FGF12: variants seen among roughly 807,000 people sequenced by gnomAD.
FGF12 encodes fibroblast growth factor 12.
Under a neutral mutation model 23.6 loss-of-function variants are expected in FGF12, and 14 were observed. The ratio of observed to expected loss-of-function variants is 0.59; its 90% CI spans 0.39 to 0.93. The LOEUF (loss-of-function observed/expected upper bound fraction) is 0.93, where lower values mean the gene tolerates loss of function less well. Among genes scored for constraint, FGF12 ranks in the 40% least tolerant of loss-of-function variants. The pLI is 0.00. For synonymous variants in FGF12, 62 were observed against 77.3 expected (o/e 0.80, Z 1.04); for missense variants, 175 against 217.8 (o/e 0.80, Z 1.24).
intron 2 of FGF12, among the ~76,000 whole-genome samples, chr3:192,426,048 G>A (rs965263614): frequency 1.4e-4 from 21 of 152,158 alleles, no homozygotes; most frequent in African/African-American, 5.1e-4. Flanking sequence ...TTATTGAAAA[G>A]TTATCTGTTT....
chr3:192,152,537 G>C (rs1442151317), intron 5 of FGF12, among the ~76,000 whole-genome samples: 4 of 150,284 alleles, frequency 2.7e-5, no homozygotes, highest in Non-Finnish European at 4.4e-5. Flanking sequence ...TGGTTTCAAA[G>C]AACATCTTTA....
intron 5 of FGF12, among the ~76,000 whole-genome samples, chr3:192,155,271 C>G (rs926311920): frequency 2.6e-5 from 4 of 152,182 alleles, no homozygotes; most frequent in Non-Finnish European, 4.4e-5. Context: ...AATCACCGGT[C>G]TTCTGCATTG....
chr3:192,499,507 TATATATATA>T (rs1165787098), intron 2 of FGF12, among the ~76,000 whole-genome samples: 6 of 38,062 alleles, frequency 1.6e-4, no homozygotes, highest in African/African-American at 7.4e-4. Flanking sequence ...TATATATATA[TATATATATA>T]TTTTTTTTTT....
intron 4 of FGF12, among the ~76,000 whole-genome samples, chr3:192,183,189 AT>A (rs36009792): frequency 0.011 from 1,670 of 147,394 alleles, 32 homozygotes; most frequent in African/African-American, 0.037. Flanking sequence ...AGCATGTAAG[AT>A]TTTTTTTTTT....
At chr3:192,628,432 A>T (rs1301160758) in intron 2 of FGF12, among the ~76,000 whole-genome samples, 1 of 138,106 alleles carries the variant, frequency 7.2e-6, no homozygotes, top group Admixed American at 7.9e-5. Context: ...TTTCATTCCA[A>T]CCAAAGGAAT....
intron 4 of FGF12, among the ~76,000 whole-genome samples, chr3:192,193,417 T>A (rs1716904589): frequency 6.6e-6 from 1 of 152,162 alleles, no homozygotes; most frequent in African/African-American, 2.4e-5. Context: ...AGGGTGCTCA[T>A]TTTCTTCTAC....
At chr3:192,537,707 T>A (rs1357064284) in intron 2 of FGF12, among the ~76,000 whole-genome samples, 1 of 152,212 alleles carries the variant, frequency 6.6e-6, no homozygotes, top group African/African-American at 2.4e-5. Flanking sequence ...CCTTGTCAGA[T>A]GGATAGTTTG....
chr3:192,181,111 G>A (rs1238460921), intron 4 of FGF12, among the ~76,000 whole-genome samples: 3 of 152,066 alleles, frequency 2.0e-5, no homozygotes, highest in Admixed American at 2.0e-4. Context: ...ACTCTTCAAG[G>A]CCCAGCATAG....
At chr3:192,678,504 C>T (rs1006435036) in intron 2 of FGF12, among the ~76,000 whole-genome samples, 11 of 152,188 alleles carry the variant, frequency 7.2e-5, no homozygotes, top group Non-Finnish European at 2.9e-5. Flanking sequence ...TCGTTCATGT[C>T]CTTATGCTCT....
intron 2 of FGF12, among the ~76,000 whole-genome samples, chr3:192,682,482 C>A (rs1717568522): frequency 6.6e-6 from 1 of 152,168 alleles, no homozygotes; most frequent in African/African-American, 2.4e-5. Flanking sequence ...CCTCACCTGT[C>A]AAGTGAGAGG....
chr3:192,355,891 G>C (rs1718451729), intron 3 of FGF12, among the ~76,000 whole-genome samples: 1 of 151,980 alleles, frequency 6.6e-6, no homozygotes, highest in African/African-American at 2.4e-5. Flanking sequence ...ATGATTACAG[G>C]GTCTTGCTTT....
chr3:192,607,212 A>G (rs1052220775), intron 2 of FGF12, among the ~76,000 whole-genome samples: 4 of 152,190 alleles, frequency 2.6e-5, no homozygotes, highest in African/African-American at 9.6e-5. Flanking sequence ...ACCCACATGA[A>G]GCTGCCACAT....
At chr3:192,386,916 C>T (rs1217051727) in intron 2 of FGF12, among the ~76,000 whole-genome samples, 5 of 152,188 alleles carry the variant, frequency 3.3e-5, no homozygotes, top group Non-Finnish European at 7.3e-5. Flanking sequence ...CCTTTATATA[C>T]TTTATTGTTA....
Position 192,272,326 on chromosome 3 carries a change from A to T in FGF12, c.228+63035T>A, listed in dbSNP as rs188008828. On this transcript the variant is annotated intron_variant, in intron 4 of 5. Coordinates refer to ENST00000445105, the MANE Select transcript of FGF12 (RefSeq NM_004113.6). ...TAACTTAGTTCCATTGCAGACAAGG[A>T]AAGGGGACGGGGAGGTTATATTTTC... 6.6e-4 allele frequency among the ~76,000 whole-genome samples: 101 copies of T among 152,284 alleles called. 3 individuals carry two copies. Among genetic ancestry groups the T allele is most frequent in the Admixed American group, 6.6e-3 (101 of 15,274 alleles).
chr3:192,248,698 T>C (rs1307178004), intron 4 of FGF12, among the ~76,000 whole-genome samples: 1 of 152,160 alleles, frequency 6.6e-6, no homozygotes, highest in African/African-American at 2.4e-5. Flanking sequence ...GGATGACTTC[T>C]GCCCCGGGGG....
intron 2 of FGF12, among the ~76,000 whole-genome samples, chr3:192,686,800 T>C (rs1717755184): frequency 6.9e-6 from 1 of 144,388 alleles, no homozygotes; most frequent in Non-Finnish European, 1.5e-5. Flanking sequence ...AAAAAGACAA[T>C]GACTTTTTTC....
chr3:192,324,506 G>T (rs1160797390), intron 4 of FGF12, among the ~76,000 whole-genome samples: 1 of 152,152 alleles, frequency 6.6e-6, no homozygotes, highest in Non-Finnish European at 1.5e-5. Context: ...GGCTTTACGT[G>T]CATCTTTCCA....
At chr3:192,211,615 C>T (rs762505414) in intron 4 of FGF12, among the ~76,000 whole-genome samples, 3 of 151,844 alleles carry the variant, frequency 2.0e-5, no homozygotes, top group Non-Finnish European at 2.9e-5. Flanking sequence ...TTAGTAGAGA[C>T]GGGGTTTCAT....
At chr3:192,688,583 C>T (rs991213862) in intron 2 of FGF12, among the ~76,000 whole-genome samples, 1 of 152,104 alleles carries the variant, frequency 6.6e-6, no homozygotes, top group Non-Finnish European at 1.5e-5. Flanking sequence ...TATGCCCAAT[C>T]CTGTCTGATC....
Sources: gnomAD v4.1 joint callset for allele counts (sites outside exome capture counted in the v4.1 genomes callset) on GRCh38, gnomAD v4.1.1 for gene constraint, MANE v1.5 for transcripts, NCBI Gene and HGNC (gene_info 2026-07-23, HGNC 2026-07-21) for gene names.